The following SETD4 variants were observed in gnomAD, a reference collection of about 807,000 sequenced individuals.
SETD4 encodes SET domain-containing protein 4.
SETD4 carries 46 observed loss-of-function variants against 58.3 expected under a neutral mutation model. The ratio of observed to expected loss-of-function variants is 0.79; its 90% confidence interval spans 0.62 to 1.01. SETD4 has a LOEUF of 1.01. Among genes scored for constraint, SETD4 ranks in the 50% least tolerant of loss-of-function variants. SETD4 has a pLI of 0.00. For missense variants in SETD4, 490 were observed against 523.3 expected (o/e 0.94, Z 0.62); for synonymous variants, 190 against 202.6 (o/e 0.94, Z 0.53).
chr21:36,056,868 C>T (rs2065013319), intron 3 of SETD4, among the ~76,000 whole-genome samples: 1 of 152,156 alleles, frequency 6.6e-6, no homozygotes, highest in Non-Finnish European at 1.5e-5. Context: ...AAATGTTAAC[C>T]TAACCTCCCT....
chr21:36,051,020 A>G, intron 4 of SETD4: 1 of 1,541,188 alleles, frequency 6.5e-7, no homozygotes, highest in South Asian at 1.1e-5. Flanking sequence ...TGTTGATGAA[A>G]GATGGCAGCT....
In SETD4 at chr21:36,048,288, G is replaced by A; in HGVS notation, c.296+20C>T. On this transcript the variant is annotated intron_variant, in intron 5 of 11. Transcript: ENST00000332131. ...AAGGAGAAGCACTTGCACCAGGTAAGCAAGTGTGTGGTCACTTACTTAGTA... is the reference window on the plus strand; with the variant it reads ...AAGGAGAAGCACTTGCACCAGGTAAACAAGTGTGTGGTCACTTACTTAGTA... The A allele has an allele frequency of 3.7e-6, 6 of 1,607,026 alleles. No homozygotes were observed. The highest frequency in any genetic ancestry group is 1.1e-5 in the South Asian group (1 of 90,904).
At chr21:36,050,158 CTGGTAGA>C in intron 4 of SETD4, 1 of 907,636 alleles carries the variant, frequency 1.1e-6, no homozygotes. Context: ...CCATAATCAA[CTGGTAGA>C]TGTTACATCC....
Position 36,057,173 on chromosome 21 carries a change from C to T in SETD4, c.105G>A (p.Glu35=). 1 of 1,614,192 alleles carries T rather than the reference C, an allele frequency of 6.2e-7. No homozygotes were observed. Among genetic ancestry groups the T allele is most frequent in the Non-Finnish European group, 8.5e-7 (1 of 1,180,044 alleles). Residue 35 remains glutamate, a synonymous_variant, in exon 3 of 12, where the codon GAG becomes GAA. Coordinates refer to ENST00000332131, the MANE Select transcript of SETD4 (RefSeq NM_017438.5). ...VNESHKSEFI[E]LRKWLKARKF... ...TCCTAGCTTTCAGCCACTTCCTCAG[C>T]TCTATAAATTCAGACTTGTGGCTCT...
intron 4 of SETD4, among the ~76,000 whole-genome samples, chr21:36,052,020 A>G (rs966496074): frequency 6.6e-6 from 1 of 152,078 alleles, no homozygotes; most frequent in African/African-American, 2.4e-5. Flanking sequence ...TATGTTACAT[A>G]TATTTTACAA....
rs926404371 is a variant in SETD4 at position 36,051,003 on chromosome 21, G to A, written c.207+2580C>T. The A allele has an allele frequency of 3.0e-5, 47 of 1,580,462 alleles. 1 individual carries two copies. Among genetic ancestry groups the A allele is most frequent in the South Asian group, 1.8e-4 (16 of 90,382 alleles). On this transcript the variant is annotated intron_variant, in intron 4 of 11. Coordinates refer to ENST00000332131, the MANE Select transcript of SETD4 (RefSeq NM_017438.5). ...TATCCTGGGGATGGATGTGTGTGGC[G>A]TTGACCTGTTGATGAAAGATGGCAG...
Position 36,049,534 on chromosome 21 carries a change from G to A in SETD4, c.208-1138C>T, listed in dbSNP as rs117761157. 9.5e-4 allele frequency among the ~76,000 whole-genome samples: 144 copies of A among 152,124 alleles called. 1 individual carries two copies. In the East Asian group the frequency reaches 0.026, roughly 28 times the overall value. ...TGCGCCACTGTACTCTAGCCTGGGC[G>A]ACAGAACGTGACTCCGTCTCAAAAA... On this transcript the variant is annotated intron_variant, in intron 4 of 11. Transcript: ENST00000332131.
chr21:36,047,269 A>G (rs1322260704), intron 5 of SETD4, among the ~76,000 whole-genome samples: 1 of 152,118 alleles, frequency 6.6e-6, no homozygotes, highest in Non-Finnish European at 1.5e-5. Flanking sequence ...AAGAAAGAAA[A>G]AAACGGTATA....
Position 36,035,593 on chromosome 21 carries a change from A to C in SETD4, c.*400T>G, listed in dbSNP as rs2063753903. ...TGGCGTCTGGGCCACCCTGGCGGGG[A>C]TCCAGGACTACCTCACACTGCCCCA... On this transcript the variant is annotated 3_prime_UTR_variant, in exon 12 of 12. Coordinates refer to ENST00000332131, the MANE Select transcript of SETD4 (RefSeq NM_017438.5). 6.1e-6 allele frequency: 1 copy of C among 164,730 alleles called. No individual in the cohort carries two copies. Among genetic ancestry groups the C allele is most frequent in the Non-Finnish European group, 1.3e-5 (1 of 75,098 alleles). The allele number at this position is 164,730 out of a possible 1,614,324, so 10.2% of individuals were successfully genotyped here. A position where few individuals can be genotyped will look rare whatever the true frequency, so the allele number is the denominator to read the frequency against.
Position 36,035,239 on chromosome 21 carries a change from CAAG to C in SETD4, c.*751_*753del, listed in dbSNP as rs1269127925. 6.6e-6 allele frequency: 1 copy of C among 152,328 alleles called. No individual in the cohort carries two copies. Among genetic ancestry groups the C allele is most frequent in the Non-Finnish European group, 1.5e-5 (1 of 68,174 alleles). 9.4% of individuals were successfully genotyped at this position (152,328 alleles called of 1,614,324 possible). On this transcript the variant is annotated 3_prime_UTR_variant, in exon 12 of 12. Coordinates refer to ENST00000332131, the MANE Select transcript of SETD4 (RefSeq NM_017438.5). Reference sequence around the variant, plus strand: ...CCAAGGTCTGCGTGGTATCAAAACTCAAGAATAAGAACAGAAGCCAAACCACCA... The same window carrying C: ...CCAAGGTCTGCGTGGTATCAAAACTCAATAAGAACAGAAGCCAAACCACCA...
chr21:36,041,928 T>G, intron 7 of SETD4, 40 bp from the exon 8 acceptor site: 2 of 1,163,152 alleles, frequency 1.7e-6, no homozygotes, highest in South Asian at 2.8e-5. Flanking sequence ...AGGGCATAAA[T>G]TTGGACAAAA....
rs1162900771 is a variant in SETD4 at position 36,048,056 on chromosome 21, AGAGG to A, written c.296+248_296+251del. Among the ~76,000 whole-genome samples the A allele has an allele frequency of 9.6e-5, 10 of 104,640 alleles. No homozygotes were observed. In the East Asian group the frequency reaches 2.9e-3, roughly 31 times the overall value. 68.6% of individuals were successfully genotyped at this position (104,640 alleles called of 152,430 possible). On this transcript the variant is annotated intron_variant, in intron 5 of 11. Coordinates refer to ENST00000332131, the MANE Select transcript of SETD4 (RefSeq NM_017438.5). ...AGAGACAAGGAAGGAAGGAAGGAAGAGAGGGAGGGAGGGAGGGAAGGAGGGAAGG... is the reference window on the plus strand; with the variant it reads ...AGAGACAAGGAAGGAAGGAAGGAAGAGAGGGAGGGAGGGAAGGAGGGAAGG...
At chr21:36,058,784 T>C (rs757668594) in intron 2 of SETD4, 32 bp downstream of exon 2, 2 of 1,564,794 alleles carry the variant, frequency 1.3e-6, no homozygotes, top group East Asian at 2.3e-5. Context: ...GGATTTCTTT[T>C]TTCATTACTG....
chr21:36,041,651 C>T (rs1452179929), intron 8 of SETD4, among the ~76,000 whole-genome samples, 156 bp downstream of exon 8: 1 of 152,236 alleles, frequency 6.6e-6, no homozygotes, highest in Non-Finnish European at 1.5e-5. Context: ...TCCACAACAT[C>T]AAGCGCAGTT....
chr21:36,043,442 C>CTA, intron 7 of SETD4: 1 of 1,061,422 alleles, frequency 9.4e-7, no homozygotes, highest in Non-Finnish European at 1.1e-6. Flanking sequence ...TCATTGCTCT[C>CTA]TAATCCTATT....
At chr21:36,038,951 G>A (rs139543051) in intron 9 of SETD4, among the ~76,000 whole-genome samples, 13 of 152,100 alleles carry the variant, frequency 8.5e-5, no homozygotes, top group African/African-American at 2.9e-4. Flanking sequence ...GGAGAAAGAC[G>A]ACGGAGGACC....
chr21:36,041,317 C>T lies in SETD4; in HGVS notation c.983+490G>A, dbSNP rs57074865. On this transcript the variant is annotated intron_variant, in intron 8 of 11. Coordinates refer to ENST00000332131, the MANE Select transcript of SETD4 (RefSeq NM_017438.5). The stretch of plus-strand genomic sequence containing the variant: ...TGGCAGCCACCACTGCCAGGCTGCT[C>T]TCACACCATGGCGGGATCATTTCAA... Among the ~76,000 whole-genome samples, 1,254 of 152,270 alleles carry T rather than the reference C, an allele frequency of 8.2e-3. 15 individuals carry two copies. The highest frequency in any genetic ancestry group is 0.029 in the African/African-American group (1,195 of 41,548).
chr21:36,038,582 C>T (rs138945859), intron 9 of SETD4, among the ~76,000 whole-genome samples: 93 of 152,266 alleles, frequency 6.1e-4, no homozygotes, highest in Admixed American at 1.1e-3. Context: ...GTCCCGTTCC[C>T]GGCCATGGGA....
intron 7 of SETD4, 88 bp from the exon 8 acceptor site, chr21:36,041,976 C>G: frequency 1.5e-6 from 1 of 662,456 alleles, no homozygotes; most frequent in Non-Finnish European, 2.5e-6. Context: ...CTTCCTTTCC[C>G]TTTAGCAACC....
Sources: gnomAD v4.1 joint callset for allele counts (sites outside exome capture counted in the v4.1 genomes callset) on GRCh38, gnomAD v4.1.1 for gene constraint, MANE v1.5 for transcripts, NCBI Gene and HGNC (gene_info 2026-07-23, HGNC 2026-07-21) for gene names.